Variants in UBAC2 observed in about 807,000 individuals in gnomAD.
UBAC2 encodes the protein ubiquitin-associated domain-containing protein 2.
UBAC2 carries 26 observed loss-of-function variants against 44.0 expected under a neutral mutation model. That is an observed-to-expected ratio of 0.59 (90% CI 0.43 to 0.82). The LOEUF (loss-of-function observed/expected upper bound fraction) is 0.82. Among genes scored for constraint, UBAC2 ranks in the 40% least tolerant of loss-of-function variants. UBAC2 has a pLI of 0.00. For synonymous variants in UBAC2, 155 were observed against 154.3 expected, an observed-to-expected ratio of 1.00 and a Z score of -0.04; for missense variants, 329 against 419.4, an observed-to-expected ratio of 0.78 and a Z score of 1.88.
intron 4 of UBAC2, among the ~76,000 whole-genome samples, chr13:99,260,201 G>C (rs1340418644): frequency 6.6e-6 from 1 of 152,170 alleles, no homozygotes; most frequent in Non-Finnish European, 1.5e-5. Flanking sequence ...TCCGAAGCTG[G>C]GCTGGTTGTT....
chr13:99,343,248 C>G (rs1486562245), intron 7 of UBAC2, among the ~76,000 whole-genome samples: 3 of 152,214 alleles, frequency 2.0e-5, no homozygotes, highest in Non-Finnish European at 4.4e-5. Flanking sequence ...ACAGGCACTT[C>G]ATGGTGCAGC....
At chr13:99,332,988 A>G (rs548278398) in intron 6 of UBAC2, among the ~76,000 whole-genome samples, 152 of 152,344 alleles carry the variant, frequency 1.0e-3, no homozygotes, top group Non-Finnish European at 8.5e-4. Context: ...TAGGTCAGGC[A>G]TGGTGGCTCA....
intron 1 of UBAC2, among the ~76,000 whole-genome samples, chr13:99,227,028 G>A (rs977229777): frequency 6.6e-6 from 1 of 152,068 alleles, no homozygotes; most frequent in Admixed American, 6.5e-5. Flanking sequence ...GAGAAACTCA[G>A]TCTCTAATAA....
chr13:99,284,211 TAAAC>T (rs1368854851), intron 4 of UBAC2, among the ~76,000 whole-genome samples: 2 of 152,204 alleles, frequency 1.3e-5, no homozygotes, highest in Non-Finnish European at 2.9e-5. Context: ...GAAGTACAAA[TAAAC>T]ACACAATGCA....
chr13:99,336,608 A>T (rs1474369932), intron 6 of UBAC2, among the ~76,000 whole-genome samples: 1 of 152,064 alleles, frequency 6.6e-6, no homozygotes, highest in Non-Finnish European at 1.5e-5. Context: ...CCTTACACTG[A>T]GGATCCTATT....
chr13:99,251,364 C>A (rs1379957041), intron 4 of UBAC2, among the ~76,000 whole-genome samples: 1 of 152,122 alleles, frequency 6.6e-6, no homozygotes, highest in Non-Finnish European at 1.5e-5. Flanking sequence ...CCTTTTCTTT[C>A]TTTCTCTTGC....
At chr13:99,272,195 A>G (rs571478173) in intron 4 of UBAC2, among the ~76,000 whole-genome samples, 1 of 152,282 alleles carries the variant, frequency 6.6e-6, no homozygotes, top group East Asian at 1.9e-4. Flanking sequence ...AGGGGCTTGT[A>G]TCTAGGTCAA....
intron 1 of UBAC2, among the ~76,000 whole-genome samples, chr13:99,220,249 C>T (rs1471780398): frequency 6.6e-6 from 1 of 152,200 alleles, no homozygotes; most frequent in Non-Finnish European, 1.5e-5. Flanking sequence ...ATCCCAGCCC[C>T]TCTACTAACT....
intron 8 of UBAC2, among the ~76,000 whole-genome samples, chr13:99,373,243 A>T (rs561153784): frequency 1.3e-5 from 2 of 150,190 alleles, no homozygotes; most frequent in Admixed American, 1.3e-4. Flanking sequence ...AAATGATTAA[A>T]TTTTTCTCAT....
chr13:99,225,937 G>A (rs900870922), intron 1 of UBAC2, among the ~76,000 whole-genome samples: 3 of 152,210 alleles, frequency 2.0e-5, no homozygotes, highest in Non-Finnish European at 4.4e-5. Context: ...GAATCATAGA[G>A]TTGATGGATC....
At chr13:99,358,093 C>T (rs1157217690) in intron 7 of UBAC2, among the ~76,000 whole-genome samples, 1 of 152,108 alleles carries the variant, frequency 6.6e-6, no homozygotes, top group Admixed American at 6.5e-5. Context: ...GGTGTGAGAG[C>T]ACGCAGAGGA....
chr13:99,325,269 A>AT lies in UBAC2; in HGVS notation c.561+7207dup, dbSNP rs34291227. On this transcript the variant is annotated intron_variant, in intron 6 of 8. Coordinates refer to ENST00000403766, the MANE Select transcript of UBAC2 (RefSeq NM_001144072.2). ...AGGCGCCTGTCACCATGCCCAGCTA[A>AT]TTTTTTTGTGTTTTTTGTAGAGACG... is the stretch of plus-strand genomic sequence containing the variant. Among the ~76,000 whole-genome samples the AT allele has an allele frequency of 1.4e-3, 210 of 151,702 alleles. 2 individuals are homozygous for AT. The highest frequency in any genetic ancestry group is 5.0e-3 in the African/African-American group (205 of 41,276).
rs1134061 is a variant in UBAC2 at position 99,325,303 on chromosome 13, C to T, written c.561+7234C>T. Among the ~76,000 whole-genome samples the T allele has an allele frequency of 5.2e-3, 787 of 152,070 alleles. 4 individuals are homozygous for T. The highest frequency in any genetic ancestry group is 0.01 in the Middle Eastern group (3 of 294). On this transcript the variant is annotated intron_variant, in intron 6 of 8. Coordinates refer to ENST00000403766, the MANE Select transcript of UBAC2 (RefSeq NM_001144072.2). The stretch of plus-strand genomic sequence containing the variant: ...TGTTTTTTGTAGAGACGGGGTTTCA[C>T]CGTGTTAGGCAGGATGGTCTTGATC...
chr13:99,325,737 A>T (rs1190711583), intron 6 of UBAC2, among the ~76,000 whole-genome samples: 1 of 152,134 alleles, frequency 6.6e-6, no homozygotes, highest in African/African-American at 2.4e-5. Context: ...TTACTCTCTG[A>T]TTCTGTGAAA....
At position 99,255,865 on chromosome 13, in the gene UBAC2, G is replaced by A. The variant is rs755112652; in HGVS notation, c.389+11241G>A. The A allele has an allele frequency of 5.1e-6, 8 of 1,558,126 alleles. No individual in the cohort carries two copies. The highest frequency in any genetic ancestry group is 6.9e-6 in the Non-Finnish European group (8 of 1,155,178). On this transcript the variant is annotated intron_variant, in intron 4 of 8. Coordinates refer to ENST00000403766, the MANE Select transcript of UBAC2 (RefSeq NM_001144072.2). ...GACAGGTTGATCTTGATTGTTCAGGGTGATCATTTTACAGCTTGTTGGTAG... is the reference window on the plus strand; with the variant it reads ...GACAGGTTGATCTTGATTGTTCAGGATGATCATTTTACAGCTTGTTGGTAG...
chr13:99,345,513 A>G (rs1311088595), intron 7 of UBAC2, among the ~76,000 whole-genome samples: 1 of 151,794 alleles, frequency 6.6e-6, no homozygotes, highest in African/African-American at 2.4e-5. Context: ...GTTTCCCAAG[A>G]CTCAGTTCTC....
At position 99,275,822 on chromosome 13, in the gene UBAC2, C is replaced by T. The variant is rs540752716; in HGVS notation, c.389+31198C>T. Among the ~76,000 whole-genome samples the T allele has an allele frequency of 1.1e-4, 16 of 152,178 alleles. 1 individual carries two copies. In the South Asian group the frequency reaches 3.3e-3, roughly 32 times the overall value. ...GCTGATTGGAGTCTCGGGATGAGGT[C>T]CTCGATGACCATGGGCTCTGTCATA... is the stretch of plus-strand genomic sequence containing the variant. On this transcript the variant is annotated intron_variant, in intron 4 of 8. Coordinates refer to ENST00000403766, the MANE Select transcript of UBAC2 (RefSeq NM_001144072.2).
At chr13:99,208,248 C>G (rs945606322) in intron 1 of UBAC2, among the ~76,000 whole-genome samples, 2 of 152,178 alleles carry the variant, frequency 1.3e-5, no homozygotes, top group African/African-American at 4.8e-5. Context: ...CCGCCCTCCT[C>G]TGCCTCCCAA....
At chr13:99,371,806 C>A (rs2045410078) in intron 8 of UBAC2, among the ~76,000 whole-genome samples, 1 of 152,154 alleles carries the variant, frequency 6.6e-6, no homozygotes, top group African/African-American at 2.4e-5. Flanking sequence ...TTCAAGAAAA[C>A]CTGGTAGACA....
Sources: allele counts gnomAD v4.1 joint callset (sites outside exome capture counted in the v4.1 genomes callset), GRCh38; gene constraint gnomAD v4.1.1; transcripts MANE v1.5; gene names NCBI Gene and HGNC (gene_info 2026-07-23, HGNC 2026-07-21).